The following SORCS1 variants were observed in gnomAD, a reference collection of about 807,000 sequenced individuals.
SORCS1 encodes sortilin related VPS10 domain containing receptor 1, also known as VPS10 domain-containing receptor SorCS1.
In SORCS1, 60 loss-of-function variants were observed where a neutral mutation model predicts 146.1. The observed-to-expected ratio is 0.41, with a 90% CI of 0.33 to 0.51. The LOEUF is 0.51. SORCS1 is among the 20% of genes least tolerant of loss of function. The probability of loss-of-function intolerance (pLI) is 0.21; values close to 1 mark genes in which losing one functional copy is unlikely to be tolerated. For synonymous variants in SORCS1, 637 were observed against 584.0 expected (o/e 1.09, Z -1.31); for missense variants, 1,352 against 1,487.6 (o/e 0.91, Z 1.50).
At position 107,159,013 on chromosome 10, in the gene SORCS1, G is replaced by A. The variant is rs184121363; in HGVS notation, c.558+4956C>T. 1.5e-4 allele frequency among the ~76,000 whole-genome samples: 23 copies of A among 151,762 alleles called. No homozygotes were observed. In the East Asian group the frequency reaches 4.1e-3, roughly 27 times the overall value. ...CAATTTCACATGAGGCATTTTTTTG[G>A]GGGGGAAGGGGGGTCCAAAGTTAGC... is the stretch of plus-strand genomic sequence containing the variant. On this transcript the variant is annotated intron_variant, in intron 1 of 25. Transcript: ENST00000263054.
At chr10:107,049,173 A>C (rs917513371) in intron 1 of SORCS1, among the ~76,000 whole-genome samples, 2 of 149,546 alleles carry the variant, frequency 1.3e-5, no homozygotes, top group Non-Finnish European at 3.0e-5. Context: ...AGGACAAAAA[A>C]CCAAACACCG....
At chr10:107,029,436 C>CT in intron 1 of SORCS1, among the ~76,000 whole-genome samples, 1 of 152,322 alleles carries the variant, frequency 6.6e-6, no homozygotes, top group South Asian at 2.1e-4. Context: ...ACGCATTCAA[C>CT]TGCAAATATC....
At chr10:106,905,405 T>C (rs1456927710) in intron 2 of SORCS1, among the ~76,000 whole-genome samples, 3 of 152,148 alleles carry the variant, frequency 2.0e-5, no homozygotes, top group Admixed American at 6.5e-5. Flanking sequence ...AGAAAAAAGA[T>C]ATTGCCAAAA....
At chr10:106,808,616 C>T (rs1947306201) in intron 3 of SORCS1, among the ~76,000 whole-genome samples, 1 of 152,112 alleles carries the variant, frequency 6.6e-6, no homozygotes, top group Non-Finnish European at 1.5e-5. Context: ...CATTCTCCTG[C>T]CTCAGCCTCC....
chr10:107,101,959 G>T (rs183252037), intron 1 of SORCS1, among the ~76,000 whole-genome samples: 33 of 152,168 alleles, frequency 2.2e-4, no homozygotes, highest in South Asian at 6.2e-4. Flanking sequence ...TGCAATCTCT[G>T]ATCTATAATG....
rs1009696215 is a variant in SORCS1, at chr10:106,729,959, T to A, written c.1024+91A>T. 7 of 1,473,316 alleles carry A rather than the reference T, an allele frequency of 4.8e-6. No homozygotes were observed. In the African/African-American group the frequency reaches 8.3e-5, roughly 18 times the overall value. 91.3% of individuals were successfully genotyped at this position (1,473,316 alleles called of 1,614,324 possible). A position where few individuals can be genotyped will look rare whatever the true frequency, so the allele number is the denominator to read the frequency against. The stretch of plus-strand genomic sequence containing the variant: ...ACCACACATCCACTATTACTCTGCA[T>A]ACACCATGAGATTATTACACAGACT... On this transcript the variant is annotated intron_variant, in intron 6 of 25. Transcript: ENST00000263054.
intron 3 of SORCS1, among the ~76,000 whole-genome samples, chr10:106,809,451 C>T (rs1250642688): frequency 6.6e-6 from 1 of 151,934 alleles, no homozygotes. Flanking sequence ...CCAGGATCCC[C>T]CTGCTAGCCC....
At chr10:107,050,359 G>A (rs959275558) in intron 1 of SORCS1, among the ~76,000 whole-genome samples, 4 of 152,060 alleles carry the variant, frequency 2.6e-5, no homozygotes, top group African/African-American at 9.7e-5. Context: ...CAAAGAACAG[G>A]AGTGTATGCT....
intron 5 of SORCS1, among the ~76,000 whole-genome samples, chr10:106,730,811 G>A (rs977719212): frequency 2.6e-5 from 4 of 152,074 alleles, no homozygotes; most frequent in Admixed American, 2.0e-4. Context: ...GGGCAATCAC[G>A]CTTTATCTCT....
intron 5 of SORCS1, among the ~76,000 whole-genome samples, chr10:106,749,346 G>A (rs79357778): frequency 1.3e-5 from 2 of 152,118 alleles, no homozygotes; most frequent in Non-Finnish European, 2.9e-5. Context: ...TGCCCGCCTT[G>A]TGACCTCAGG....
At chr10:106,646,499 G>A (rs1443598230) in intron 18 of SORCS1, among the ~76,000 whole-genome samples, 2 of 150,504 alleles carry the variant, frequency 1.3e-5, no homozygotes, top group African/African-American at 2.4e-5. Context: ...AGTTCGAGAC[G>A]AGCCTGACCA....
At chr10:106,681,055 C>CA in intron 10 of SORCS1, among the ~76,000 whole-genome samples, 1 of 151,968 alleles carries the variant, frequency 6.6e-6, no homozygotes, top group African/African-American at 2.4e-5. Context: ...GTAAAGCTTT[C>CA]AAAAAAAGGA....
At position 106,714,129 on chromosome 10, in the gene SORCS1, C is replaced by T. The variant is rs12359111; in HGVS notation, c.1025-4788G>A. Reference sequence around the variant, plus strand: ...CCAGCCTGGCAACAACAGTGAAACTCTGCCTCAAAAAAAAAAAAAAAAAAA... The same window carrying T: ...CCAGCCTGGCAACAACAGTGAAACTTTGCCTCAAAAAAAAAAAAAAAAAAA... On this transcript the variant is annotated intron_variant, in intron 6 of 25. Transcript: ENST00000263054. Among the ~76,000 whole-genome samples the T allele has an allele frequency of 4.7e-5, 4 of 85,486 alleles. No homozygotes were observed. In the Admixed American group the frequency reaches 5.4e-4, roughly 12 times the overall value. The allele number at this position is 85,486 out of a possible 152,430, so 56.1% of individuals were successfully genotyped here.
At chr10:106,710,759 C>G (rs1383430125) in intron 6 of SORCS1, among the ~76,000 whole-genome samples, 3 of 152,162 alleles carry the variant, frequency 2.0e-5, no homozygotes, top group Admixed American at 6.5e-5. Context: ...CAACCTCCCC[C>G]ACTTCTCACC....
intron 17 of SORCS1, among the ~76,000 whole-genome samples, chr10:106,657,067 T>G (rs1446316379): frequency 6.6e-6 from 1 of 152,134 alleles, no homozygotes; most frequent in Non-Finnish European, 1.5e-5. Context: ...ATAACTAAAA[T>G]TAGATCTACC....
intron 6 of SORCS1, among the ~76,000 whole-genome samples, chr10:106,713,453 C>A (rs2135875292): frequency 6.6e-6 from 1 of 152,186 alleles, no homozygotes; most frequent in Middle Eastern, 3.4e-3. Flanking sequence ...TCCTTAAGAC[C>A]CTGTACAAAC....
At chr10:106,732,925 C>T (rs775002699) in intron 5 of SORCS1, among the ~76,000 whole-genome samples, 1 of 151,860 alleles carries the variant, frequency 6.6e-6, no homozygotes, top group Non-Finnish European at 1.5e-5. Flanking sequence ...TTGAGACCAT[C>T]CTGGCCAACA....
At chr10:106,720,048 T>C (rs1855673242) in intron 6 of SORCS1, among the ~76,000 whole-genome samples, 1 of 152,232 alleles carries the variant, frequency 6.6e-6, no homozygotes, top group African/African-American at 2.4e-5. Flanking sequence ...ATTTCTTCCT[T>C]GATGGCCCTC....
At chr10:106,750,440 T>C (rs942717615) in intron 5 of SORCS1, among the ~76,000 whole-genome samples, 1 of 151,584 alleles carries the variant, frequency 6.6e-6, no homozygotes, top group South Asian at 2.1e-4. Context: ...GATTAAGAAG[T>C]GGAGGAGGGG....
Sources: gnomAD v4.1 joint callset for allele counts (sites outside exome capture counted in the v4.1 genomes callset) on GRCh38, gnomAD v4.1.1 for gene constraint, MANE v1.5 for transcripts, NCBI Gene and HGNC (gene_info 2026-07-23, HGNC 2026-07-21) for gene names.